Variants in OTOP3 observed in about 807,000 individuals in gnomAD.
OTOP3 encodes the protein otopetrin 3.
OTOP3 carries 41 observed loss-of-function variants against 50.8 expected under a neutral mutation model. The observed-to-expected ratio is 0.81, with a 90% CI of 0.63 to 1.05. The LOEUF is 1.05. Ranked by LOEUF, OTOP3 falls within the 50% of genes least tolerant of loss-of-function variation. OTOP3 has a pLI of 0.00. For missense variants in OTOP3, 788 were observed against 760.8 expected (o/e 1.04, Z -0.42); for synonymous variants, 320 against 324.4 (o/e 0.99, Z 0.14).
chr17:74,946,454 A>G (rs2039224782), intron 5 of OTOP3, among the ~76,000 whole-genome samples: 1 of 152,218 alleles, frequency 6.6e-6, no homozygotes, highest in South Asian at 2.1e-4. Flanking sequence ...TGGCATCTGA[A>G]GTCTTCAATT....
chr17:74,946,758 C>CTGTA lies in OTOP3; in HGVS notation c.849_850insTGTA (p.Leu284CysfsTer144). On this transcript the variant is annotated frameshift_variant, in exon 6 of 7. Transcript: ENST00000328801. LOFTEE classifies it high-confidence loss of function. ...TCTACCCCTTCAGCACTGAGTACTG[C>CTGTA]CTCATCTGCTGTGCTGTGCTGTTTG... 1 of 1,613,186 alleles carries CTGTA rather than the reference C, an allele frequency of 6.2e-7. No homozygotes were observed. The highest frequency in any genetic ancestry group is 8.5e-7 in the Non-Finnish European group (1 of 1,180,034).
At position 74,936,053 on chromosome 17, in the gene OTOP3, C is replaced by T. The variant is rs1030690921; in HGVS notation, c.19+113C>T. ...CAAGTAGGGGCTGCAGGGATTGGAA[C>T]GGGAAAGCGGGGTGACTGTGGAGAG... On this transcript the variant is annotated intron_variant, in intron 1 of 6. Coordinates refer to ENST00000328801, the MANE Select transcript of OTOP3 (RefSeq NM_001272005.2). 2.7e-6 allele frequency: 4 copies of T among 1,470,032 alleles called. No individual in the cohort carries two copies. In the African/African-American group the frequency reaches 5.6e-5, roughly 21 times the overall value. 91.1% of individuals were successfully genotyped at this position (1,470,032 alleles called of 1,614,324 possible).
chr17:74,943,570 C>A, intron 4 of OTOP3, 36 bp from the exon 5 acceptor site: 4 of 1,600,682 alleles, frequency 2.5e-6, no homozygotes, highest in Non-Finnish European at 3.4e-6. Context: ...GGGGAGCCGG[C>A]CAGGGTGTGT....
chr17:74,945,395 C>G (rs2039215997), intron 5 of OTOP3, among the ~76,000 whole-genome samples: 1 of 152,190 alleles, frequency 6.6e-6, no homozygotes, highest in Non-Finnish European at 1.5e-5. Context: ...CCAGAAATGT[C>G]TTTTACAGAC....
At chr17:74,945,334 G>A (rs1236944701) in intron 5 of OTOP3, among the ~76,000 whole-genome samples, 1 of 152,118 alleles carries the variant, frequency 6.6e-6, no homozygotes. Context: ...AAATCCTTTA[G>A]CTTCATTCTG....
At chr17:74,948,108 T>TA (rs149694559) in intron 6 of OTOP3, among the ~76,000 whole-genome samples, 2,627 of 152,208 alleles carry the variant, frequency 0.017, 86 homozygotes, top group African/African-American at 0.06. Context: ...TAAAGTGCAT[T>TA]AGGAGCTCAG....
rs1161199934 is a variant in OTOP3 at position 74,946,903 on chromosome 17, G to C, written c.994G>C (p.Ala332Pro). The C allele has an allele frequency of 1.9e-6, 3 of 1,611,742 alleles. No homozygotes were observed. The African/African-American group carries it at 4.0e-5, about 22-fold the overall frequency. ...GPLLGLLVLL[A>P]GVCVFVLFQI... is the part of the protein sequence containing the mutation. ...GCTGCTGGGCCTGCTGGTGCTGCTG[G>C]CAGGTGTGTGCGTCTTTGTGCTCTT... Residue 332 changes from alanine (A) to proline (P), a missense_variant, in exon 6 of 7, where the codon GCA (alanine) becomes CCA (proline). Transcript: ENST00000328801.
At chr17:74,944,030 G>A (rs973365308) in intron 5 of OTOP3, among the ~76,000 whole-genome samples, 9 of 151,938 alleles carry the variant, frequency 5.9e-5, no homozygotes, top group Non-Finnish European at 1.2e-4. Flanking sequence ...CACCCCGCCC[G>A]TGGCATTTGC....
In OTOP3 at chr17:74,941,814, G is replaced by A. The variant is rs765566637; in HGVS notation, c.436+5G>A. The A allele has an allele frequency of 1.9e-6, 3 of 1,603,636 alleles. No homozygotes were observed. The highest frequency in any genetic ancestry group is 1.7e-5 in the Admixed American group (1 of 59,650). ...CGGGGCCCCTCTGGGTGCGGGGTGA[G>A]TGTCAGGTTGCTGGGGGGCTGGGCA... is the stretch of plus-strand genomic sequence containing the variant. On this transcript the variant is annotated splice_donor_5th_base_variant and intron_variant, in intron 2 of 6. Coordinates refer to ENST00000328801, the MANE Select transcript of OTOP3 (RefSeq NM_001272005.2).
In OTOP3 at chr17:74,941,734, T is replaced by C. The variant is rs745402903; in HGVS notation, c.361T>C (p.Tyr121His). The C allele has an allele frequency of 1.2e-6, 2 of 1,614,036 alleles. No homozygotes were observed. Among genetic ancestry groups the C allele is most frequent in the South Asian group, 2.2e-5 (2 of 91,086 alleles). Residue 121 changes from tyrosine (Y) to histidine (H), a missense_variant, in exon 2 of 7, where the codon TAT becomes CAT. Coordinates refer to ENST00000328801, the MANE Select transcript of OTOP3 (RefSeq NM_001272005.2). The part of the protein sequence containing the change: ...KVLSLLWLLY[Y>H]VASTTRRPHA... ...CCTCTCCCTGCTTTGGCTTCTCTAC[T>C]ATGTGGCAAGCACCACCCGCCGACC...
Position 74,941,889 on chromosome 17 carries a change from A to G in OTOP3, c.437-12A>G, listed in dbSNP as rs1419697630. The G allele has an allele frequency of 2.5e-6, 4 of 1,596,934 alleles. No homozygotes were observed. Among genetic ancestry groups the G allele is most frequent in the Admixed American group, 1.7e-5 (1 of 59,294 alleles). ...CGCGCAGGTGCCAACGCCCGCCCAC[A>G]TGTCCGGCCAGGTTCCCTAGTGCTC... is the stretch of plus-strand genomic sequence containing the variant. On this transcript the variant is annotated splice_polypyrimidine_tract_variant and intron_variant, in intron 2 of 6. Transcript: ENST00000328801.
intron 1 of OTOP3, among the ~76,000 whole-genome samples, chr17:74,936,175 G>T (rs1383892256): frequency 6.6e-6 from 1 of 152,066 alleles, no homozygotes; most frequent in Non-Finnish European, 1.5e-5. Context: ...AGCACAGAGG[G>T]CCTCAGGGCG....
rs761212266 is a variant in OTOP3 at position 74,947,065 on chromosome 17, C to A, written c.1156C>A (p.Leu386Met). 39 of 1,614,112 alleles carry A rather than the reference C, an allele frequency of 2.4e-5. No individual in the cohort carries two copies. The highest frequency in any genetic ancestry group is 3.3e-5 in the Non-Finnish European group (39 of 1,180,048). Residue 386 changes from leucine to methionine, a missense_variant, in exon 6 of 7, where the codon CTG (leucine) becomes ATG (methionine). Leu to Met is a conservative substitution (Grantham distance 15). Transcript: ENST00000328801. ...CATACACGGGCTGGAGGAGAGAGAGCTGGACACGGTCAAGAACCCTACCCG... is the reference window on the plus strand; with the variant it reads ...CATACACGGGCTGGAGGAGAGAGAGATGGACACGGTCAAGAACCCTACCCG... ...TAIHGLEERELDTVKNPTRSL... is the reference protein window; with the variant it reads ...TAIHGLEEREMDTVKNPTRSL...
At position 74,935,903 on chromosome 17, in the gene OTOP3, C is replaced by A; in HGVS notation, c.-19C>A. On this transcript the variant is annotated 5_prime_UTR_variant, in exon 1 of 7. Coordinates refer to ENST00000328801, the MANE Select transcript of OTOP3 (RefSeq NM_001272005.2). ...GGACGATCCGCTCAGCGCCCGCAGT[C>A]GGTGGTTAGCCCACGGCGATGCCTC... The A allele has an allele frequency of 6.5e-7, 1 of 1,547,076 alleles. No individual in the cohort carries two copies. The highest frequency in any genetic ancestry group is 1.2e-5 in the South Asian group (1 of 84,044).
Position 74,940,126 on chromosome 17 carries a change from CACACACAT to C in OTOP3, c.20-1263_20-1256del, listed in dbSNP as rs1321642964. 1.4e-3 allele frequency among the ~76,000 whole-genome samples: 173 copies of C among 121,958 alleles called. 1 individual carries two copies. The highest frequency in any genetic ancestry group is 0.013 in the East Asian group (30 of 2,334). 80.0% of individuals were successfully genotyped at this position (121,958 alleles called of 152,430 possible). A position where few individuals can be genotyped will look rare whatever the true frequency, so the allele number is the denominator to read the frequency against. On this transcript the variant is annotated intron_variant, in intron 1 of 6. Transcript: ENST00000328801. Reference sequence around the variant, plus strand: ...ACACACACACACACACACACACACACACACACATACATATATACATATATGGGGTTTTT... The same window carrying C: ...ACACACACACACACACACACACACACACATATATACATATATGGGGTTTTT...
Position 74,941,731 on chromosome 17 carries a change from T to C in OTOP3, c.358T>C (p.Tyr120His). 3 of 1,614,022 alleles carry C rather than the reference T, an allele frequency of 1.9e-6. No individual in the cohort carries two copies. Among genetic ancestry groups the C allele is most frequent in the Non-Finnish European group, 2.5e-6 (3 of 1,179,972 alleles). The change falls in exon 2 of 7, where the codon TAC (tyrosine) becomes CAC (histidine). Residue 120 changes from tyrosine to histidine, a missense_variant. Physicochemically the swap from Tyr to His is moderately conservative, Grantham distance 83. Transcript: ENST00000328801. Reference sequence around the variant, plus strand: ...GGTCCTCTCCCTGCTTTGGCTTCTCTACTATGTGGCAAGCACCACCCGCCG... The same window carrying C: ...GGTCCTCTCCCTGCTTTGGCTTCTCCACTATGTGGCAAGCACCACCCGCCG... ...LKVLSLLWLL[Y>H]YVASTTRRPH...
chr17:74,937,121 C>G (rs2039126465), intron 1 of OTOP3, among the ~76,000 whole-genome samples: 1 of 152,090 alleles, frequency 6.6e-6, no homozygotes, highest in East Asian at 1.9e-4. Flanking sequence ...TGCCACTACA[C>G]CTGGCTAATT....
intron 1 of OTOP3, among the ~76,000 whole-genome samples, chr17:74,939,125 G>C (rs1231258620): frequency 6.6e-6 from 1 of 152,178 alleles, no homozygotes; most frequent in Non-Finnish European, 1.5e-5. Flanking sequence ...AGTGAGCTAT[G>C]ATGGTGCCAC....
intron 6 of OTOP3, among the ~76,000 whole-genome samples, chr17:74,948,007 C>T (rs547077081): frequency 7.2e-5 from 11 of 152,334 alleles, no homozygotes; most frequent in Non-Finnish European, 1.3e-4. Context: ...GCTGGGACAA[C>T]TCAGGGTTGT....
Sources: gnomAD v4.1 joint callset for allele counts (sites outside exome capture counted in the v4.1 genomes callset) on GRCh38, gnomAD v4.1.1 for gene constraint, MANE v1.5 for transcripts, NCBI Gene and HGNC (gene_info 2026-07-23, HGNC 2026-07-21) for gene names.